The following ZNF804B variants were observed in gnomAD, a reference collection of about 807,000 sequenced individuals.
The protein encoded by ZNF804B is zinc finger protein 804B.
In ZNF804B, 80 loss-of-function variants were observed where a neutral mutation model predicts 101.4. The ratio of observed to expected loss-of-function variants is 0.79; its 90% CI spans 0.66 to 0.95. ZNF804B has a LOEUF of 0.95. Ranked by LOEUF, ZNF804B falls within the 40% of genes least tolerant of loss-of-function variation. The probability of loss-of-function intolerance (pLI) is 0.00; values close to 1 mark genes in which losing one functional copy is unlikely to be tolerated. For missense variants in ZNF804B, 1,673 were observed against 1,561.9 expected, an observed-to-expected ratio of 1.07 and a Z score of -1.20; for synonymous variants, 622 against 558.8, an observed-to-expected ratio of 1.11 and a Z score of -1.59.
chr7:88,897,136 A>C (rs1416049219), intron 1 of ZNF804B, among the ~76,000 whole-genome samples: 1 of 152,206 alleles, frequency 6.6e-6, no homozygotes, highest in Non-Finnish European at 1.5e-5. Flanking sequence ...TAACCCCCAG[A>C]ACCTGTGCAT....
At chr7:88,872,294 G>A (rs957551669) in intron 1 of ZNF804B, among the ~76,000 whole-genome samples, 1 of 152,046 alleles carries the variant, frequency 6.6e-6, no homozygotes, top group African/African-American at 2.4e-5. Context: ...GATCATGCCT[G>A]TAATCTGAAC....
intron 2 of ZNF804B, among the ~76,000 whole-genome samples, chr7:89,225,687 A>G (rs1789079017): frequency 6.6e-6 from 1 of 152,152 alleles, no homozygotes; most frequent in Non-Finnish European, 1.5e-5. Context: ...CAAGTTATTT[A>G]TGATTATTGA....
chr7:89,129,331 G>T (rs751173387), intron 1 of ZNF804B, among the ~76,000 whole-genome samples: 2 of 151,966 alleles, frequency 1.3e-5, no homozygotes, highest in Non-Finnish European at 2.9e-5. Flanking sequence ...TCCCTTGTCA[G>T]TATGGCTTCC....
intron 1 of ZNF804B, among the ~76,000 whole-genome samples, chr7:89,014,702 A>G (rs967895731): frequency 1.3e-5 from 2 of 152,126 alleles, no homozygotes; most frequent in African/African-American, 4.8e-5. Flanking sequence ...TTAAAATCAA[A>G]TTGTTTATTT....
intron 1 of ZNF804B, among the ~76,000 whole-genome samples, chr7:88,791,545 A>G (rs1187891837): frequency 6.6e-6 from 1 of 152,094 alleles, no homozygotes; most frequent in Non-Finnish European, 1.5e-5. Flanking sequence ...TTAGTGAATT[A>G]GGTTTCTATT....
chr7:89,002,295 A>G (rs58533917), intron 1 of ZNF804B, among the ~76,000 whole-genome samples: 125,254 of 151,752 alleles, frequency 0.83, 52,151 homozygotes, highest in African/African-American at 0.94. Context: ...GAAATAAAAT[A>G]TAGATTTATT....
intron 1 of ZNF804B, among the ~76,000 whole-genome samples, chr7:89,032,738 T>C (rs1186027152): frequency 1.3e-5 from 2 of 152,036 alleles, no homozygotes; most frequent in Non-Finnish European, 2.9e-5. Flanking sequence ...GGTAGGCACA[T>C]AGGGAAATTG....
intron 1 of ZNF804B, among the ~76,000 whole-genome samples, chr7:88,776,031 C>T (rs1790135503): frequency 6.6e-6 from 1 of 152,152 alleles, no homozygotes. Context: ...GTTTGACCTT[C>T]TATTCCAGCT....
intron 1 of ZNF804B, among the ~76,000 whole-genome samples, chr7:89,201,969 C>T (rs1216170386): frequency 6.6e-6 from 1 of 152,030 alleles, no homozygotes; most frequent in Non-Finnish European, 1.5e-5. Context: ...ACACACAGTA[C>T]TTTAAATGCC....
chr7:89,314,377 A>G (rs1047000147), intron 2 of ZNF804B, among the ~76,000 whole-genome samples: 3 of 152,264 alleles, frequency 2.0e-5, no homozygotes, highest in East Asian at 1.9e-4. Context: ...TTGCAAAAAA[A>G]CTACACCTAC....
intron 1 of ZNF804B, among the ~76,000 whole-genome samples, chr7:89,061,001 C>T (rs1789371219): frequency 6.6e-6 from 1 of 152,078 alleles, no homozygotes; most frequent in Admixed American, 6.6e-5. Flanking sequence ...CAGATGAACA[C>T]AGTTATAAAG....
At chr7:89,152,060 C>T (rs1409937314) in intron 1 of ZNF804B, among the ~76,000 whole-genome samples, 1 of 152,078 alleles carries the variant, frequency 6.6e-6, no homozygotes, top group Non-Finnish European at 1.5e-5. Context: ...GCAGAACTAT[C>T]AGTGTTAAAC....
At chr7:89,101,770 T>C (rs931869939) in intron 1 of ZNF804B, among the ~76,000 whole-genome samples, 2 of 151,998 alleles carry the variant, frequency 1.3e-5, no homozygotes, top group African/African-American at 4.8e-5. Context: ...TATTACATGC[T>C]TAATGGTAGG....
chr7:88,909,223 GATT>G (rs961551926), intron 1 of ZNF804B, among the ~76,000 whole-genome samples: 1 of 151,784 alleles, frequency 6.6e-6, no homozygotes, highest in Non-Finnish European at 1.5e-5. Flanking sequence ...TTAGGAAGAT[GATT>G]ATAATTTAAA....
intron 2 of ZNF804B, among the ~76,000 whole-genome samples, chr7:89,220,006 C>CAT (rs1335315903): frequency 1.5e-5 from 2 of 132,042 alleles, no homozygotes; most frequent in African/African-American, 6.0e-5. Context: ...TGTATATGCA[C>CAT]ATATATGTGT....
intron 2 of ZNF804B, among the ~76,000 whole-genome samples, chr7:89,230,378 A>C (rs961613594): frequency 6.6e-6 from 1 of 151,992 alleles, no homozygotes; most frequent in African/African-American, 2.4e-5. Flanking sequence ...TGTCCCCCCA[A>C]ATTTGATAAC....
intron 3 of ZNF804B, 104 bp downstream of exon 3, chr7:89,327,578 A>C (rs2115983593): frequency 7.0e-7 from 1 of 1,434,718 alleles, no homozygotes; most frequent in South Asian, 1.3e-5. Flanking sequence ...ATAACTAACT[A>C]ATAGATATGT....
At chr7:88,830,082 A>G (rs1791109333) in intron 1 of ZNF804B, among the ~76,000 whole-genome samples, 1 of 152,118 alleles carries the variant, frequency 6.6e-6, no homozygotes, top group South Asian at 2.1e-4. Flanking sequence ...TTGTTTAGGG[A>G]GTGTGCTCAA....
chr7:89,123,727 G>A (rs1790438829), intron 1 of ZNF804B, among the ~76,000 whole-genome samples: 1 of 150,240 alleles, frequency 6.7e-6, no homozygotes, highest in Non-Finnish European at 1.5e-5. Flanking sequence ...AAGTATTAAT[G>A]TTATTACCCT....
Sources: allele counts gnomAD v4.1 joint callset (sites outside exome capture counted in the v4.1 genomes callset), GRCh38; gene constraint gnomAD v4.1.1; transcripts MANE v1.5; gene names NCBI Gene and HGNC (gene_info 2026-07-23, HGNC 2026-07-21).